NSUN3: variants seen among roughly 807,000 people sequenced by gnomAD.
NSUN3 encodes NOP2/Sun RNA methyltransferase 3, also known as tRNA (cytosine(34)-C(5))-methyltransferase, mitochondrial.
Under a neutral mutation model 36.8 loss-of-function variants are expected in NSUN3, and 24 were observed. The observed-to-expected ratio is 0.65, with a 90% CI of 0.47 to 0.92. The LOEUF (loss-of-function observed/expected upper bound fraction) is 0.92, where lower values mean the gene tolerates loss of function less well. Ranked by LOEUF, NSUN3 falls within the 40% of genes least tolerant of loss-of-function variation. NSUN3 has a pLI of 0.00. For synonymous variants in NSUN3, 146 were observed against 145.2 expected (o/e 1.01, Z -0.04); for missense variants, 381 against 392.8 (o/e 0.97, Z 0.25).
chr3:94,076,806 G>A, intron 2 of NSUN3: 1 of 1,579,768 alleles, frequency 6.3e-7, no homozygotes, highest in Admixed American at 1.7e-5. Context: ...TCTCCTTCAT[G>A]GTTGATCTTG....
At chr3:94,067,580 C>T (rs571564157) in intron 2 of NSUN3, among the ~76,000 whole-genome samples, 1 of 152,272 alleles carries the variant, frequency 6.6e-6, no homozygotes, top group Admixed American at 6.5e-5. Flanking sequence ...TTCCCAATCT[C>T]TTATCTGGCA....
chr3:94,102,202 TAAAAAAAA>T (rs5850923), intron 5 of NSUN3, among the ~76,000 whole-genome samples: 1 of 101,588 alleles, frequency 9.8e-6, no homozygotes, highest in African/African-American at 3.8e-5. Flanking sequence ...AAAGAAACGT[TAAAAAAAA>T]AAAAAAAAAA....
At chr3:94,119,434 T>C (rs2077452862) in intron 5 of NSUN3, among the ~76,000 whole-genome samples, 1 of 152,176 alleles carries the variant, frequency 6.6e-6, no homozygotes. Context: ...TTTATGGCTC[T>C]GGGGGAGGGG....
At chr3:94,066,135 A>G (rs2107232923) in intron 2 of NSUN3, among the ~76,000 whole-genome samples, 2 of 151,276 alleles carry the variant, frequency 1.3e-5, no homozygotes, top group South Asian at 4.2e-4. Flanking sequence ...TCCTATAATG[A>G]CTTATTTTTC....
chr3:94,128,048 C>A lies in NSUN3; in HGVS notation c.*1558C>A, dbSNP rs1324156524. On this transcript the variant is annotated 3_prime_UTR_variant, in exon 6 of 6. Coordinates refer to ENST00000314622, the MANE Select transcript of NSUN3 (RefSeq NM_022072.5). Reference sequence around the variant, plus strand: ...ACTAGCCTGCCCAACATGGTAAAACCCCGACTCTACTAAAAATGCAAAAAA... The same window carrying A: ...ACTAGCCTGCCCAACATGGTAAAACACCGACTCTACTAAAAATGCAAAAAA... 1 of 151,950 alleles carries A rather than the reference C, an allele frequency of 6.6e-6. No individual in the cohort carries two copies. The highest frequency in any genetic ancestry group is 1.5e-5 in the Non-Finnish European group (1 of 67,988). 9.4% of individuals were successfully genotyped at this position (151,950 alleles called of 1,614,324 possible).
At chr3:94,074,954 C>A (rs2077240405) in intron 2 of NSUN3, among the ~76,000 whole-genome samples, 1 of 152,000 alleles carries the variant, frequency 6.6e-6, no homozygotes, top group Non-Finnish European at 1.5e-5. Flanking sequence ...TCATAAATAG[C>A]TCTTATTATT....
At position 94,073,068 on chromosome 3, in the gene NSUN3, C is replaced by CTG. The variant is rs1481600274; in HGVS notation, c.122+8525_122+8526dup. 9.8e-4 allele frequency among the ~76,000 whole-genome samples: 149 copies of CTG among 152,198 alleles called. 1 individual carries two copies. The highest frequency in any genetic ancestry group is 3.5e-3 in the African/African-American group (145 of 41,528). On this transcript the variant is annotated intron_variant, in intron 2 of 5. Transcript: ENST00000314622. ...AACATGCAGTGTTTAATTTTCTGTTCTGTGATAGTTTGCTGAGAATGATGG... is the reference window on the plus strand; with the variant it reads ...AACATGCAGTGTTTAATTTTCTGTTCTGTGTGATAGTTTGCTGAGAATGATGG...
chr3:94,107,168 C>T (rs147823198), intron 5 of NSUN3, among the ~76,000 whole-genome samples: 2 of 151,378 alleles, frequency 1.3e-5, no homozygotes, highest in Non-Finnish European at 2.9e-5. Context: ...TGGGCTCAAG[C>T]GATCCGCCTG....
At chr3:94,102,782 AAT>A (rs2077371284) in intron 5 of NSUN3, among the ~76,000 whole-genome samples, 1 of 152,226 alleles carries the variant, frequency 6.6e-6, no homozygotes, top group African/African-American at 2.4e-5. Flanking sequence ...TTTCATAAAA[AAT>A]GTGTCAAATA....
intron 3 of NSUN3, among the ~76,000 whole-genome samples, chr3:94,091,794 A>G (rs1370704906): frequency 1.3e-5 from 2 of 152,246 alleles, no homozygotes; most frequent in Non-Finnish European, 2.9e-5. Flanking sequence ...TTTGATAGGC[A>G]GTGGTGAACA....
intron 5 of NSUN3, 127 bp from the exon 6 acceptor site, chr3:94,126,084 C>T (rs2077484440): frequency 1.5e-6 from 1 of 676,926 alleles, no homozygotes. Flanking sequence ...GACTAGAAAA[C>T]ATCCAAAGTA....
chr3:94,091,967 C>T (rs1446680869), intron 3 of NSUN3, among the ~76,000 whole-genome samples: 1 of 152,196 alleles, frequency 6.6e-6, no homozygotes, highest in Admixed American at 6.5e-5. Context: ...GCCATTCATG[C>T]AGTTATCTTC....
intron 4 of NSUN3, among the ~76,000 whole-genome samples, 172 bp from the exon 5 acceptor site, chr3:94,094,861 G>T (rs547392410): frequency 6.6e-6 from 1 of 152,160 alleles, no homozygotes; most frequent in Non-Finnish European, 1.5e-5. Context: ...AAAAGTGTTA[G>T]TGAGGAAATG....
chr3:94,072,861 T>G (rs1003549011), intron 2 of NSUN3, among the ~76,000 whole-genome samples: 2 of 152,126 alleles, frequency 1.3e-5, no homozygotes, highest in African/African-American at 4.8e-5. Context: ...TGTGCAGTTT[T>G]CTTACATAGG....
At chr3:94,109,212 C>T (rs980806913) in intron 5 of NSUN3, among the ~76,000 whole-genome samples, 2 of 152,048 alleles carry the variant, frequency 1.3e-5, no homozygotes, top group Admixed American at 6.5e-5. Flanking sequence ...AGCTCATTCA[C>T]CTAGTTAAAA....
chr3:94,084,556 C>A, intron 3 of NSUN3, 106 bp downstream of exon 3: 1 of 814,698 alleles, frequency 1.2e-6, no homozygotes, highest in Non-Finnish European at 1.8e-6. Flanking sequence ...TTTGCAAACT[C>A]AGGAAGCCTG....
intron 3 of NSUN3, among the ~76,000 whole-genome samples, chr3:94,089,718 G>A (rs184892533): frequency 1.9e-3 from 291 of 152,322 alleles, no homozygotes; most frequent in Non-Finnish European, 3.0e-3. Flanking sequence ...ATAGGATTAA[G>A]GTTAAATGGG....
At chr3:94,109,696 A>G (rs1025071322) in intron 5 of NSUN3, among the ~76,000 whole-genome samples, 6 of 152,320 alleles carry the variant, frequency 3.9e-5, no homozygotes, top group East Asian at 1.9e-4. Context: ...AGAATTTGGA[A>G]GAGCTGAAGG....
intron 3 of NSUN3, among the ~76,000 whole-genome samples, chr3:94,087,676 T>TTTTTGG (rs1353711827): frequency 6.6e-6 from 1 of 152,126 alleles, no homozygotes; most frequent in African/African-American, 2.4e-5. Flanking sequence ...AGTGATAACT[T>TTTTTGG]TTTTGGTTTT....
Sources: allele counts gnomAD v4.1 joint callset (sites outside exome capture counted in the v4.1 genomes callset), GRCh38; gene constraint gnomAD v4.1.1; transcripts MANE v1.5; gene names NCBI Gene and HGNC (gene_info 2026-07-23, HGNC 2026-07-21).